Variants in SENP8 observed in about 807,000 individuals in gnomAD.
The protein encoded by SENP8 is sentrin-specific protease 8.
Under a neutral mutation model 14.4 loss-of-function variants are expected in SENP8, and 10 were observed. The ratio of observed to expected loss-of-function variants is 0.69; its 90% confidence interval spans 0.43 to 1.18. The LOEUF is 1.18. Among genes scored for constraint, SENP8 ranks in the 50% most tolerant of loss-of-function variants. The pLI is 0.00. For synonymous variants in SENP8, 94 were observed against 95.5 expected, an observed-to-expected ratio of 0.98 and a Z score of 0.09; for missense variants, 202 against 249.4, an observed-to-expected ratio of 0.81 and a Z score of 1.28.
intron 1 of SENP8, among the ~76,000 whole-genome samples, chr15:72,126,846 GA>G (rs2081225594): frequency 1.3e-5 from 2 of 152,116 alleles, no homozygotes; most frequent in African/African-American, 4.8e-5. Flanking sequence ...ATCTACATAT[GA>G]TTTTTTTATG....
intron 1 of SENP8, among the ~76,000 whole-genome samples, chr15:72,121,847 G>A (rs960631358): frequency 6.6e-6 from 1 of 152,208 alleles, no homozygotes; most frequent in South Asian, 2.1e-4. Flanking sequence ...ATATACCCCA[G>A]TGTGGGAGTC....
At chr15:72,138,561 G>A (rs1025390734) in intron 1 of SENP8, among the ~76,000 whole-genome samples, 2 of 151,166 alleles carry the variant, frequency 1.3e-5, no homozygotes, top group East Asian at 2.0e-4. Flanking sequence ...TGTTGGCCAG[G>A]CTGGTCTCAA....
rs201666303 is a variant in SENP8 at position 72,127,924 on chromosome 15, A to AT, written c.-48+9461dup. ...GGCAACATAGTGAGACCCTGCCTCT[A>AT]TAAAAAAAAATATTAATTAGCCAGA... On this transcript the variant is annotated intron_variant, in intron 1 of 1. Transcript: ENST00000340912. 5.0e-3 allele frequency among the ~76,000 whole-genome samples: 762 copies of AT among 152,266 alleles called. 4 individuals carry two copies. Among genetic ancestry groups the AT allele is most frequent in the African/African-American group, 0.018 (739 of 41,550 alleles).
At chr15:72,123,265 A>G (rs1168238822) in intron 1 of SENP8, among the ~76,000 whole-genome samples, 1 of 152,242 alleles carries the variant, frequency 6.6e-6, no homozygotes, top group South Asian at 2.1e-4. Context: ...AAATGAGGTA[A>G]ATCATGGCTT....
chr15:72,124,834 A>AGT (rs1261391866), intron 1 of SENP8, among the ~76,000 whole-genome samples: 5 of 152,182 alleles, frequency 3.3e-5, no homozygotes, highest in Non-Finnish European at 7.4e-5. Context: ...AAGGCAAAAA[A>AGT]GTATTAATCC....
At chr15:72,132,241 TC>T (rs553127570) in intron 1 of SENP8, among the ~76,000 whole-genome samples, 95 of 152,224 alleles carry the variant, frequency 6.2e-4, no homozygotes, top group African/African-American at 2.3e-3. Context: ...TTCTTGCCCT[TC>T]CCCTAGTCTT....
chr15:72,133,128 A>C (rs906898390), intron 1 of SENP8, among the ~76,000 whole-genome samples: 1 of 152,196 alleles, frequency 6.6e-6, no homozygotes, highest in Non-Finnish European at 1.5e-5. Flanking sequence ...CCAAGATTGC[A>C]CCACTGCACC....
chr15:72,129,050 A>G (rs2081246166), intron 1 of SENP8, among the ~76,000 whole-genome samples: 1 of 152,232 alleles, frequency 6.6e-6, no homozygotes, highest in Non-Finnish European at 1.5e-5. Flanking sequence ...ACTTAAGTCA[A>G]TAGCCAACAG....
chr15:72,140,422 A>G lies in SENP8; in HGVS notation c.*160A>G. ...TCATCCTCTGCATTATCCCCATGGAACGTTTCACTTTAACCCTGACTGGGG... is the reference window on the plus strand; with the variant it reads ...TCATCCTCTGCATTATCCCCATGGAGCGTTTCACTTTAACCCTGACTGGGG... On this transcript the variant is annotated 3_prime_UTR_variant, in exon 2 of 2. Transcript: ENST00000340912. 1 of 624,150 alleles carries G rather than the reference A, an allele frequency of 1.6e-6. No homozygotes were observed. The highest frequency in any genetic ancestry group is 1.8e-5 in the African/African-American group (1 of 54,218). 38.7% of individuals were successfully genotyped at this position (624,150 alleles called of 1,614,324 possible).
chr15:72,114,354 C>G (rs1236672298), upstream of SENP8: 1 of 152,162 alleles, frequency 6.6e-6, no homozygotes, highest in African/African-American at 2.4e-5. Flanking sequence ...AGAAGCCCAA[C>G]AAACAGATAT....
Position 72,140,282 on chromosome 15 carries a change from AC to A in SENP8, c.*21del, listed in dbSNP as rs750787807. 6 of 1,564,666 alleles carry A rather than the reference AC, an allele frequency of 3.8e-6. No homozygotes were observed. The highest frequency in any genetic ancestry group is 5.3e-6 in the Non-Finnish European group (6 of 1,137,756). On this transcript the variant is annotated 3_prime_UTR_variant, in exon 2 of 2. Transcript: ENST00000340912. ...AAGTAGCTATTGAAGTATATTTGCG[AC>A]TTTTGAAGGCTCCTCTTTCTGCCCT... is the stretch of plus-strand genomic sequence containing the variant.
rs753697972 is a variant in SENP8, at chr15:72,141,453, A to G, written c.*1191A>G. ...CATGTTAGGTACACAAATTAATTCT[A>G]TTCCTAATGAGAATTAGATTGCAAG... On this transcript the variant is annotated 3_prime_UTR_variant, in exon 2 of 2. Coordinates refer to ENST00000340912, the MANE Select transcript of SENP8 (RefSeq NM_145204.4). The G allele has an allele frequency of 6.6e-6, 1 of 152,234 alleles. No homozygotes were observed. The highest frequency in any genetic ancestry group is 1.5e-5 in the Non-Finnish European group (1 of 68,044). The allele number at this position is 152,234 out of a possible 1,614,324, so 9.4% of individuals were successfully genotyped here.
At chr15:72,128,453 G>T (rs1052526805) in intron 1 of SENP8, among the ~76,000 whole-genome samples, 1 of 152,200 alleles carries the variant, frequency 6.6e-6, no homozygotes, top group Non-Finnish European at 1.5e-5. Context: ...CTGTTCCCCT[G>T]AAGTATCCAA....
chr15:72,129,536 A>ATTT (rs35079066), intron 1 of SENP8, among the ~76,000 whole-genome samples: 2 of 105,454 alleles, frequency 1.9e-5, no homozygotes, highest in African/African-American at 3.5e-5. Context: ...CTAATTTTGT[A>ATTT]TTTTTTTTTT....
chr15:72,127,942 T>C (rs1250546790), intron 1 of SENP8, among the ~76,000 whole-genome samples: 2 of 152,068 alleles, frequency 1.3e-5, no homozygotes, highest in Non-Finnish European at 2.9e-5. Context: ...AAATATTAAT[T>C]AGCCAGACAT....
In SENP8 at chr15:72,135,097, TG is replaced by T. The variant is rs1416724643; in HGVS notation, c.-47-4479del. On this transcript the variant is annotated intron_variant, in intron 1 of 1. Transcript: ENST00000340912. ...TTGTTTTTGAGACAGAGTCTGGCTC[TG>T]TCACCCAGGCTGGAATGCAATGGCG... 1.6e-5 allele frequency: 4 copies of T among 249,282 alleles called. No homozygotes were observed. In the East Asian group the frequency reaches 5.8e-4, roughly 36 times the overall value. The allele number at this position is 249,282 out of a possible 1,614,324, so 15.4% of individuals were successfully genotyped here. A position where few individuals can be genotyped will look rare whatever the true frequency, so the allele number is the denominator to read the frequency against.
upstream of SENP8, chr15:72,118,012 C>A (rs1160601500): frequency 7.5e-6 from 3 of 398,050 alleles, no homozygotes; most frequent in East Asian, 1.1e-4. Context: ...TCTCGCAGTC[C>A]GGGCTGTCCT....
In SENP8 at chr15:72,139,558, C is replaced by T. The variant is rs762718287; in HGVS notation, c.-47-19C>T. 1.1e-4 allele frequency: 168 copies of T among 1,541,718 alleles called. No individual in the cohort carries two copies. Among genetic ancestry groups the T allele is most frequent in the South Asian group, 3.9e-4 (31 of 78,512 alleles). On this transcript the variant is annotated intron_variant, in intron 1 of 1. Transcript: ENST00000340912. Reference sequence around the variant, plus strand: ...CATTTTACAGTCAGGTATTTATTGACAATAATATTGTCTTCTAGCTCTTGT... The same window carrying T: ...CATTTTACAGTCAGGTATTTATTGATAATAATATTGTCTTCTAGCTCTTGT...
In SENP8 at chr15:72,143,374, A is replaced by G. The variant is rs928080697; in HGVS notation, c.*3112A>G. ...AACAAGTTTGAAAACTTAGTTTTAT[A>G]TTGCTATGCAGCTAAACAGCTGTGT... On this transcript the variant is annotated 3_prime_UTR_variant, in exon 2 of 2. Transcript: ENST00000340912. The G allele has an allele frequency of 6.6e-6, 1 of 152,152 alleles. No homozygotes were observed. Among genetic ancestry groups the G allele is most frequent in the Non-Finnish European group, 1.5e-5 (1 of 68,024 alleles). 9.4% of individuals were successfully genotyped at this position (152,152 alleles called of 1,614,324 possible).
Sources: allele counts gnomAD v4.1 joint callset (sites outside exome capture counted in the v4.1 genomes callset), GRCh38; gene constraint gnomAD v4.1.1; transcripts MANE v1.5; gene names NCBI Gene and HGNC (gene_info 2026-07-23, HGNC 2026-07-21).